SLC1A3: variants seen among roughly 807,000 people sequenced by gnomAD.
SLC1A3 encodes the protein excitatory amino acid transporter 1.
SLC1A3 carries 21 observed loss-of-function variants against 48.1 expected under a neutral mutation model. The observed-to-expected ratio is 0.44, with a 90% CI of 0.31 to 0.63. The LOEUF (loss-of-function observed/expected upper bound fraction) is 0.63, where lower values mean the gene tolerates loss of function less well. SLC1A3 is among the 20% of genes least tolerant of loss of function. The pLI, the probability that SLC1A3 is intolerant of heterozygous loss-of-function variation, is 0.08. For synonymous variants in SLC1A3, 239 were observed against 251.4 expected (o/e 0.95, Z 0.47); for missense variants, 546 against 689.0 (o/e 0.79, Z 2.32).
chr5:36,671,190 A>T lies in SLC1A3; in HGVS notation c.481A>T (p.Ile161Phe). Residue 161 changes from isoleucine to phenylalanine, a missense_variant, in exon 4 of 10, where the codon ATT becomes TTT. Coordinates refer to ENST00000265113, the MANE Select transcript of SLC1A3 (RefSeq NM_004172.5). ...TKENMHREGKIVRVTAADAFL... is the reference protein window; with the variant it reads ...TKENMHREGKFVRVTAADAFL... ...GGAAAACATGCACAGAGAAGGCAAA[A>T]TTGTACGAGTGACAGCTGCAGATGC... 6.2e-7 allele frequency: 1 copy of T among 1,613,866 alleles called. No individual in the cohort carries two copies. The highest frequency in any genetic ancestry group is 1.1e-5 in the South Asian group (1 of 91,068).
intron 2 of SLC1A3, among the ~76,000 whole-genome samples, chr5:36,615,604 C>A (rs929323902): frequency 2.0e-5 from 3 of 152,162 alleles, no homozygotes; most frequent in African/African-American, 7.2e-5. Context: ...CCCCTTCTGC[C>A]CTTCAGTCTC....
intron 2 of SLC1A3, among the ~76,000 whole-genome samples, chr5:36,617,387 AAAAG>A (rs1410158633): frequency 6.6e-6 from 1 of 151,766 alleles, no homozygotes. Flanking sequence ...ATAAGATTAA[AAAAG>A]AAAGAGGGAG....
At chr5:36,603,361 G>A (rs1459064937), upstream of SLC1A3, among the ~76,000 whole-genome samples, 1 of 152,200 alleles carries the variant, frequency 6.6e-6, no homozygotes, top group Non-Finnish European at 1.5e-5. Flanking sequence ...ACCTTCTGTT[G>A]GGCCCTGTCC....
chr5:36,647,061 C>G (rs2111831229), intron 3 of SLC1A3, among the ~76,000 whole-genome samples: 1 of 152,308 alleles, frequency 6.6e-6, no homozygotes, highest in Admixed American at 6.5e-5. Flanking sequence ...TATTCCAAAG[C>G]CTTGGTGTCA....
intron 3 of SLC1A3, chr5:36,668,652 T>C (rs1487733254): frequency 6.6e-6 from 1 of 152,224 alleles, no homozygotes; most frequent in Non-Finnish European, 1.5e-5. Context: ...GGCCTCTCAT[T>C]TGATGATTGA....
At chr5:36,656,969 A>G (rs1271575245) in intron 3 of SLC1A3, among the ~76,000 whole-genome samples, 1 of 152,260 alleles carries the variant, frequency 6.6e-6, no homozygotes, top group Non-Finnish European at 1.5e-5. Context: ...TAGCACAACC[A>G]GAAATTTTTG....
Position 36,687,407 on chromosome 5 carries a change from G to C in SLC1A3, c.*1138G>C, listed in dbSNP as rs895120445. ...TTCTTTAAGGAAGAATAAAAAAGAA[G>C]AGGTTCATTTTTCTGGCTTTTTTTT... On this transcript the variant is annotated 3_prime_UTR_variant, in exon 10 of 10. Transcript: ENST00000265113. 1 of 152,088 alleles carries C rather than the reference G, an allele frequency of 6.6e-6. No homozygotes were observed. Among genetic ancestry groups the C allele is most frequent in the Non-Finnish European group, 1.5e-5 (1 of 68,000 alleles). 9.4% of individuals were successfully genotyped at this position (152,088 alleles called of 1,614,324 possible).
intron 2 of SLC1A3, among the ~76,000 whole-genome samples, chr5:36,615,551 T>A (rs1282241295): frequency 6.6e-6 from 1 of 152,218 alleles, no homozygotes; most frequent in African/African-American, 2.4e-5. Context: ...CAGTGTTTCC[T>A]AGCCAGTGTT....
chr5:36,634,646 A>C (rs947199770), intron 3 of SLC1A3, among the ~76,000 whole-genome samples: 6 of 152,162 alleles, frequency 3.9e-5, no homozygotes, highest in Admixed American at 3.3e-4. Flanking sequence ...AAATAAAACA[A>C]ATAAATTTAA....
At position 36,608,521 on chromosome 5, in the gene SLC1A3, T is replaced by C. The variant is rs1227515667; in HGVS notation, c.98T>C (p.Val33Ala). 1 of 1,613,914 alleles carries C rather than the reference T, an allele frequency of 6.2e-7. No individual in the cohort carries two copies. The highest frequency in any genetic ancestry group is 8.5e-7 in the Non-Finnish European group (1 of 1,179,924). ...RKRTLLAKKK[V>A]QNITKEDVKS... ...CGCACACTTTTGGCCAAGAAGAAAG[T>C]GCAGAACATTACAAAGGAGGATGTT... is the stretch of plus-strand genomic sequence containing the variant. The change falls in exon 2 of 10, where the codon GTG becomes GCG. Residue 33 changes from valine to alanine, a missense_variant. Transcript: ENST00000265113.
intron 3 of SLC1A3, among the ~76,000 whole-genome samples, chr5:36,646,274 T>A (rs1390031570): frequency 1.3e-5 from 2 of 152,216 alleles, no homozygotes; most frequent in Non-Finnish European, 2.9e-5. Flanking sequence ...TGATAGAATA[T>A]TGCATGGACA....
chr5:36,625,568 T>G (rs570536588), intron 2 of SLC1A3, among the ~76,000 whole-genome samples: 1 of 152,312 alleles, frequency 6.6e-6, no homozygotes, highest in Non-Finnish European at 1.5e-5. Context: ...ATTTTCCCCT[T>G]TCCCAGTGTA....
chr5:36,679,931 G>A lies in SLC1A3; in HGVS notation c.1094+71G>A, dbSNP rs190870644. 4.2e-5 allele frequency: 43 copies of A among 1,035,924 alleles called. No individual in the cohort carries two copies. The African/African-American group carries it at 6.4e-4, about 16-fold the overall frequency. The allele number at this position is 1,035,924 out of a possible 1,614,324, so 64.2% of individuals were successfully genotyped here. ...CCAGGGCCCCTCAAGTAGGGTGTAG[G>A]AGAAGCCATTTTATTCTGAGTTTTA... On this transcript the variant is annotated intron_variant, in intron 7 of 9. Transcript: ENST00000265113.
intron 3 of SLC1A3, among the ~76,000 whole-genome samples, chr5:36,666,837 T>A (rs532369603): frequency 1.3e-5 from 2 of 152,332 alleles, no homozygotes; most frequent in South Asian, 4.1e-4. Flanking sequence ...CTCTGCCCCC[T>A]AAAATCCCAT....
In SLC1A3 at chr5:36,639,654, A is replaced by G. The variant is rs375556292; in HGVS notation, c.319+10067A>G. ...TGTTGCTAAATTACCTCCCAAAATT[A>G]TTCTCCCAAAAGGATGCTGTTTTCT... On this transcript the variant is annotated intron_variant, in intron 3 of 9. Transcript: ENST00000265113. 4.6e-5 allele frequency among the ~76,000 whole-genome samples: 7 copies of G among 152,310 alleles called. No individual in the cohort carries two copies. In the East Asian group the frequency reaches 9.6e-4, roughly 21 times the overall value.
At chr5:36,627,716 A>G (rs972189908) in intron 2 of SLC1A3, among the ~76,000 whole-genome samples, 1 of 152,230 alleles carries the variant, frequency 6.6e-6, no homozygotes, top group African/African-American at 2.4e-5. Flanking sequence ...GTGTTTAACT[A>G]TGTATTGGAA....
intron 2 of SLC1A3, among the ~76,000 whole-genome samples, chr5:36,615,189 A>G (rs967124093): frequency 3.3e-5 from 5 of 152,210 alleles, no homozygotes; most frequent in Admixed American, 2.6e-4. Context: ...TCCTGGGTAC[A>G]GGCCCGGCTC....
chr5:36,686,293 T>C lies in SLC1A3; in HGVS notation c.*24T>C. The C allele has an allele frequency of 6.5e-7, 1 of 1,549,502 alleles. No homozygotes were observed. Among genetic ancestry groups the C allele is most frequent in the East Asian group, 2.2e-5 (1 of 44,600 alleles). ...AGACTAACATAAAGAAACACTTTCT[T>C]GAGCACCAGGTGTTAAAAACCATTA... On this transcript the variant is annotated 3_prime_UTR_variant, in exon 10 of 10. Coordinates refer to ENST00000265113, the MANE Select transcript of SLC1A3 (RefSeq NM_004172.5).
chr5:36,636,616 T>C (rs1740400187), intron 3 of SLC1A3, among the ~76,000 whole-genome samples: 2 of 123,280 alleles, frequency 1.6e-5, no homozygotes, highest in Non-Finnish European at 3.7e-5. Context: ...TTTTTTTTTT[T>C]GCCCTGAATT....
Sources: allele counts gnomAD v4.1 joint callset (sites outside exome capture counted in the v4.1 genomes callset), GRCh38; gene constraint gnomAD v4.1.1; transcripts MANE v1.5; gene names NCBI Gene and HGNC (gene_info 2026-07-23, HGNC 2026-07-21).